PLEC: variants seen among roughly 807,000 people sequenced by gnomAD.
The protein encoded by PLEC is plectin, also known as hemidesmosomal protein 1.
PLEC carries 216 observed loss-of-function variants against 392.8 expected under a neutral mutation model. The observed-to-expected ratio is 0.55, with a 90% CI of 0.49 to 0.62. The LOEUF (loss-of-function observed/expected upper bound fraction) is 0.62. Among genes scored for constraint, PLEC ranks in the 20% least tolerant of loss-of-function variants. The probability of loss-of-function intolerance (pLI) is 0.00; values close to 1 mark genes in which losing one functional copy is unlikely to be tolerated. For missense variants in PLEC, 6,863 were observed against 6,563.4 expected, an observed-to-expected ratio of 1.05 and a Z score of -1.58; for synonymous variants, 3,621 against 2,980.6, an observed-to-expected ratio of 1.21 and a Z score of -7.00.
upstream of PLEC, among the ~76,000 whole-genome samples, chr8:143,954,475 C>T (rs1295854099): frequency 1.3e-5 from 2 of 152,214 alleles, no homozygotes; most frequent in Non-Finnish European, 2.9e-5. This position sits in a 1 kb window ranked among gnomAD's most constrained non-coding sequence, Gnocchi z 4.6. Context: ...ACAGGTCCTC[C>T]TGGCTGCGCC....
intron 1 of PLEC, among the ~76,000 whole-genome samples, chr8:143,968,272 T>TA (rs1355616175): frequency 6.6e-6 from 1 of 151,544 alleles, no homozygotes; most frequent in East Asian, 1.9e-4. Context: ...TCATAATAAT[T>TA]AAAATTAAAA....
At chr8:143,928,240 C>T (rs1379136311) in intron 25 of PLEC, among the ~76,000 whole-genome samples, 4 of 152,244 alleles carry the variant, frequency 2.6e-5, no homozygotes, top group African/African-American at 7.2e-5. Context: ...CAGCCAGGAA[C>T]GGCAGACCCC....
rs1554673194 is a variant in PLEC, at chr8:143,917,801, G to A, written c.12020C>T (p.Ala4007Val). 6.2e-7 allele frequency: 1 copy of A among 1,613,462 alleles called. No individual in the cohort carries two copies. Among genetic ancestry groups the A allele is most frequent in the East Asian group, 2.2e-5 (1 of 44,866 alleles). ...GPEFKDKLLSAERAVTGYKDP... is the reference protein window; with the variant it reads ...GPEFKDKLLSVERAVTGYKDP... The stretch of plus-strand genomic sequence containing the variant: ...CTTGTACCCAGTGACGGCGCGCTCG[G>A]CCGACAGCAGCTTGTCCTTGAACTC... Residue 4007 changes from alanine (A) to valine (V), a missense_variant, in exon 32 of 32, where the codon GCC (alanine) becomes GTC (valine). Coordinates refer to ENST00000345136, the MANE Select transcript of PLEC (RefSeq NM_201384.3).
At chr8:143,954,142 C>G (rs1198819781), upstream of PLEC, among the ~76,000 whole-genome samples, 1 of 151,820 alleles carries the variant, frequency 6.6e-6, no homozygotes, top group African/African-American at 2.4e-5. The surrounding 1 kb of genome is among the most constrained non-coding windows in gnomAD (Gnocchi z 4.6). Flanking sequence ...CTTAGAACAG[C>G]CTGTGGGACA....
intron 16 of PLEC, 51 bp downstream of exon 16, chr8:143,932,349 C>A (rs1554716741): frequency 6.2e-7 from 1 of 1,610,850 alleles, no homozygotes; most frequent in East Asian, 2.2e-5. Context: ...ACGGCCAGGG[C>A]ACAGCTGGGG....
Position 143,938,238 on chromosome 8 carries a change from G to T in PLEC, c.177C>A (p.Ala59=). ...TKWVNKHLIK[A]QRHISDLYED... is the part of the protein sequence containing the mutation. Reference sequence around the variant, plus strand: ...CATACAGGTCACTGATGTGCCTCTGGGCCTGTGGGGACAGCAGCGGCTGAG... The same window carrying T: ...CATACAGGTCACTGATGTGCCTCTGTGCCTGTGGGGACAGCAGCGGCTGAG... The change falls in exon 3 of 32, where the codon GCC becomes GCA. Residue 59 remains alanine (A), a splice_region_variant and synonymous_variant. Coordinates refer to ENST00000345136, the MANE Select transcript of PLEC (RefSeq NM_201384.3). 1 of 1,598,560 alleles carries T rather than the reference G, an allele frequency of 6.3e-7. No homozygotes were observed. The highest frequency in any genetic ancestry group is 8.5e-7 in the Non-Finnish European group (1 of 1,174,246).
chr8:143,942,498 G>GC (rs1564190480), upstream of PLEC: 3 of 1,580,810 alleles, frequency 1.9e-6, no homozygotes, highest in South Asian at 1.1e-5. Context: ...AGGCAAAGGC[G>GC]CCCCCCGCCC....
Position 143,924,404 on chromosome 8 carries a change from A to T in PLEC, c.5525T>A (p.Ile1842Asn). 6.3e-7 allele frequency: 1 copy of T among 1,593,408 alleles called. No homozygotes were observed. The highest frequency in any genetic ancestry group is 8.5e-7 in the Non-Finnish European group (1 of 1,177,268). Residue 1842 changes from isoleucine to asparagine, a missense_variant, in exon 31 of 32, where the codon ATC becomes AAC. Transcript: ENST00000345136. The part of the protein sequence containing the change: ...ERVLAEKLAA[I>N]GEATRLKTEA... The stretch of plus-strand genomic sequence containing the variant: ...CGTCTTGAGCCGCGTGGCCTCGCCG[A>T]TGGCGGCCAGCTTCTCCGCAAGCAC...
At chr8:143,937,357 G>A (rs1428603041) in intron 3 of PLEC, 115 bp from the exon 4 acceptor site, 2 of 772,088 alleles carry the variant, frequency 2.6e-6, no homozygotes, top group East Asian at 5.3e-5. Flanking sequence ...GGGGGCAGCA[G>A]CCCCTCATCC....
At position 143,922,533 on chromosome 8, in the gene PLEC, C is replaced by T. The variant is rs781980817; in HGVS notation, c.7396G>A (p.Ala2466Thr). The change falls in exon 31 of 32, where the codon GCC (alanine) becomes ACC (threonine). Residue 2466 changes from alanine to threonine, a missense_variant. Physicochemically the swap from Ala to Thr is moderately conservative, Grantham distance 58. Coordinates refer to ENST00000345136, the MANE Select transcript of PLEC (RefSeq NM_201384.3). The part of the protein sequence containing the change: ...EREKEKLQQE[A>T]KLLQLKSEEM... Reference sequence around the variant, plus strand: ...TCAGACTTGAGCTGCAGCAGTTTGGCCTCCTGTTGGAGCTTCTCCTTCTCA... The same window carrying T: ...TCAGACTTGAGCTGCAGCAGTTTGGTCTCCTGTTGGAGCTTCTCCTTCTCA... 6.8e-6 allele frequency: 11 copies of T among 1,611,756 alleles called. No homozygotes were observed. The highest frequency in any genetic ancestry group is 1.3e-5 in the African/African-American group (1 of 74,928).
At position 143,927,330 on chromosome 8, in the gene PLEC, C is replaced by A; in HGVS notation, c.3762G>T (p.Leu1254=). The A allele has an allele frequency of 6.2e-7, 1 of 1,613,072 alleles. No individual in the cohort carries two copies. Among genetic ancestry groups the A allele is most frequent in the Non-Finnish European group, 8.5e-7 (1 of 1,179,934 alleles). Reference sequence around the variant, plus strand: ...CGCCGTGGCGCTCGATCTCCTCCAGCAGGGCCTGGGTGATGGTGTGGTCAG... The same window carrying A: ...CGCCGTGGCGCTCGATCTCCTCCAGAAGGGCCTGGGTGATGGTGTGGTCAG... ...VREQLRQEQA[L]LEEIERHGEK... is the part of the protein sequence containing the mutation. The change falls in exon 28 of 32, where the codon CTG becomes CTT. Residue 1254 remains leucine, a synonymous_variant. Transcript: ENST00000345136.
rs782779334 is a variant in PLEC, at chr8:143,922,734, C to T, written c.7195G>A (p.Ala2399Thr). 9.3e-6 allele frequency: 15 copies of T among 1,611,132 alleles called. No homozygotes were observed. The highest frequency in any genetic ancestry group is 1.8e-4 in the Middle Eastern group (1 of 5,620). Reference protein sequence around the residue: ...VAEMSRAQARAEEDAQRFRKQ... With the variant: ...VAEMSRAQARTEEDAQRFRKQ... ...CGGAAGCGCTGGGCGTCCTCCTCAG[C>T]GCGGGCCTGGGCTCGGCTCATCTCG... Residue 2399 changes from alanine (A) to threonine (T), a missense_variant, in exon 31 of 32, where the codon GCT becomes ACT. Coordinates refer to ENST00000345136, the MANE Select transcript of PLEC (RefSeq NM_201384.3).
rs1822294608 is a variant in PLEC at position 143,920,650 on chromosome 8, C to A, written c.9171G>T (p.Leu3057=). 1 of 1,604,920 alleles carries A rather than the reference C, an allele frequency of 6.2e-7. No individual in the cohort carries two copies. Among genetic ancestry groups the A allele is most frequent in the Non-Finnish European group, 8.5e-7 (1 of 1,179,896 alleles). The change falls in exon 32 of 32, where the codon CTG becomes CTT. Residue 3057 remains leucine (L), a synonymous_variant. Coordinates refer to ENST00000345136, the MANE Select transcript of PLEC (RefSeq NM_201384.3). ...GCCCGGTGCCGGCCTGGGCTTCCAA[C>A]AGGGCCACGGCCATGTCGGATGGCA... is the stretch of plus-strand genomic sequence containing the variant. The part of the protein sequence containing the change: ...DLLPSDMAVA[L]LEAQAGTGHI...
At chr8:143,954,196 A>T (rs1832464509), upstream of PLEC, among the ~76,000 whole-genome samples, 1 of 151,674 alleles carries the variant, frequency 6.6e-6, no homozygotes, top group East Asian at 1.9e-4. This position sits in a 1 kb window ranked among gnomAD's most constrained non-coding sequence, Gnocchi z 4.6. Flanking sequence ...CCTGCAGGAG[A>T]TACCCACCCA....
At position 143,937,148 on chromosome 8, in the gene PLEC, C is replaced by CTGCCGGGCAGCCT; in HGVS notation, c.342+4_342+16dup. ...GAGGGGTCTGGGTGGGGCCCAGGGC[C>CTGCCGGGCAGCCT]TGCCGGGCAGCCTTACCTGGCGGTG... is the stretch of plus-strand genomic sequence containing the variant. On this transcript the variant is annotated intron_variant, in intron 4 of 31. Transcript: ENST00000345136. 6.2e-7 allele frequency: 1 copy of CTGCCGGGCAGCCT among 1,611,696 alleles called. No homozygotes were observed. Among genetic ancestry groups the CTGCCGGGCAGCCT allele is most frequent in the Non-Finnish European group, 8.5e-7 (1 of 1,178,870 alleles).
rs782753302 is a variant in PLEC at position 143,950,373 on chromosome 8, G to A, written c.334C>T (p.Arg112Cys). The A allele has an allele frequency of 2.5e-5, 40 of 1,594,090 alleles. 1 individual carries two copies. Among genetic ancestry groups the A allele is most frequent in the African/African-American group, 1.6e-4 (12 of 74,794 alleles). ...TGCACAGCCTGCACGTGGGGGGTGC[G>A]GCGTGCGGGCATCACCATGGCGACG... The change falls in exon 1 of 32, where the codon CGC becomes TGC. Residue 112 changes from arginine (R) to cysteine (C), a missense_variant. Arg to Cys is a radical substitution (Grantham distance 180). Coordinates refer to the PLEC transcript ENST00000322810.
In PLEC at chr8:143,925,693, C is replaced by G; in HGVS notation, c.4236G>C (p.Gln1412His). The change falls in exon 31 of 32, where the codon CAG (glutamine) becomes CAC (histidine). Residue 1412 changes from glutamine to histidine, a missense_variant. By Grantham distance (24) the Gln-to-His change is conservative. Transcript: ENST00000345136. Reference protein sequence around the residue: ...VRREEAAVDAQQQKRSIQEEL... With the variant: ...VRREEAAVDAHQQKRSIQEEL... ...CCTCCTGAATGCTGCGCTTCTGCTG[C>G]TGCGCGTCCACCGCCGCCTCCTCCC... The G allele has an allele frequency of 6.3e-7, 1 of 1,592,406 alleles. No individual in the cohort carries two copies. Among genetic ancestry groups the G allele is most frequent in the Non-Finnish European group, 8.5e-7 (1 of 1,176,710 alleles).
At position 143,924,319 on chromosome 8, in the gene PLEC, C is replaced by T. The variant is rs782258533; in HGVS notation, c.5610G>A (p.Ala1870=). ...GCCGCCGCTGGAAGGCCTCGTCCTC[C>T]GCCAGCCGCCGCAGGCGCTCGTTCT... is the stretch of plus-strand genomic sequence containing the variant. ...EAENERLRRL[A]EDEAFQRRRL... Residue 1870 remains alanine (A), a synonymous_variant, in exon 31 of 32, where the codon GCG becomes GCA. Coordinates refer to ENST00000345136, the MANE Select transcript of PLEC (RefSeq NM_201384.3). The T allele has an allele frequency of 4.5e-5, 71 of 1,594,702 alleles. No homozygotes were observed. Among genetic ancestry groups the T allele is most frequent in the East Asian group, 1.8e-4 (8 of 44,578 alleles).
intron 1 of PLEC, chr8:143,944,730 C>T (rs1208400692): frequency 7.9e-7 from 1 of 1,270,540 alleles, no homozygotes; most frequent in Non-Finnish European, 1.0e-6. Context: ...TCACAGGCCC[C>T]TCGGAGGAGG....
Sources: allele counts gnomAD v4.1 joint callset (sites outside exome capture counted in the v4.1 genomes callset), GRCh38; gene constraint gnomAD v4.1.1; non-coding constraint Gnocchi (gnomAD v3.1); transcripts MANE v1.5; gene names NCBI Gene and HGNC (gene_info 2026-07-23, HGNC 2026-07-21).